HMBOX1: variants seen among roughly 807,000 people sequenced by gnomAD.
HMBOX1 encodes the protein homeobox-containing protein 1.
In HMBOX1, 14 loss-of-function variants were observed where a neutral mutation model predicts 54.5. The observed-to-expected ratio is 0.26, with a 90% CI of 0.17 to 0.40. The LOEUF (loss-of-function observed/expected upper bound fraction) is 0.40, where lower values mean the gene tolerates loss of function less well. HMBOX1 is among the 10% of genes least tolerant of loss of function. The pLI, the probability that HMBOX1 is intolerant of heterozygous loss-of-function variation, is 1.00. For synonymous variants in HMBOX1, 160 were observed against 181.0 expected (o/e 0.88, Z 0.93); for missense variants, 332 against 514.4 (o/e 0.65, Z 3.43).
At chr8:28,962,885 G>A (rs1022332441) in intron 1 of HMBOX1, among the ~76,000 whole-genome samples, 11 of 151,804 alleles carry the variant, frequency 7.2e-5, no homozygotes, top group African/African-American at 2.4e-4. Context: ...CCCACCTCCC[G>A]CCATTTAATG....
intron 1 of HMBOX1, among the ~76,000 whole-genome samples, chr8:28,908,527 G>A (rs995672528): frequency 2.0e-5 from 3 of 152,188 alleles, no homozygotes; most frequent in African/African-American, 7.2e-5. Flanking sequence ...GGCCAAGGCG[G>A]GCAGATCACC....
chr8:28,986,113 T>C (rs76775468), intron 4 of HMBOX1, among the ~76,000 whole-genome samples: 3,116 of 152,282 alleles, frequency 0.02, 56 homozygotes, highest in Non-Finnish European at 0.032. Context: ...CTGGCAACCT[T>C]TTTATGGTTT....
At chr8:29,004,639 G>A (rs964349156) in intron 4 of HMBOX1, among the ~76,000 whole-genome samples, 1 of 152,112 alleles carries the variant, frequency 6.6e-6, no homozygotes, top group Non-Finnish European at 1.5e-5. Flanking sequence ...TTAATCAGGG[G>A]TTAGTTTTAG....
intron 4 of HMBOX1, among the ~76,000 whole-genome samples, chr8:29,002,906 C>T (rs1832856011): frequency 6.6e-6 from 1 of 152,040 alleles, no homozygotes; most frequent in African/African-American, 2.4e-5. Context: ...ATTCGCTTTT[C>T]TCTTAATTTT....
At chr8:28,946,068 T>C (rs1822397187) in intron 1 of HMBOX1, among the ~76,000 whole-genome samples, 1 of 151,292 alleles carries the variant, frequency 6.6e-6, no homozygotes, top group Non-Finnish European at 1.5e-5. Flanking sequence ...TTCTCCTGCC[T>C]CAGCCTCCCA....
intron 4 of HMBOX1, among the ~76,000 whole-genome samples, chr8:29,001,541 T>G (rs1008294083): frequency 7.1e-6 from 1 of 140,070 alleles, no homozygotes; most frequent in Non-Finnish European, 1.5e-5. Context: ...TAGAGCGAGA[T>G]TCCATCTCAA....
At chr8:28,910,046 C>G (rs1395313268) in intron 1 of HMBOX1, among the ~76,000 whole-genome samples, 1 of 152,116 alleles carries the variant, frequency 6.6e-6, no homozygotes, top group Admixed American at 6.5e-5. Context: ...TACTTAATCC[C>G]TATTCCTAGC....
chr8:28,914,462 T>G (rs1316868520), intron 1 of HMBOX1, among the ~76,000 whole-genome samples: 2 of 152,324 alleles, frequency 1.3e-5, no homozygotes, highest in East Asian at 3.9e-4. Context: ...AAAAATCGCC[T>G]CATCAGAATC....
At chr8:28,913,797 G>T (rs1426814262) in intron 1 of HMBOX1, among the ~76,000 whole-genome samples, 3 of 151,150 alleles carry the variant, frequency 2.0e-5, no homozygotes, top group Non-Finnish European at 4.4e-5. Context: ...CTGTCGCCCA[G>T]GCTGGAGTGC....
chr8:28,953,103 C>T (rs1423777051), intron 1 of HMBOX1, among the ~76,000 whole-genome samples: 2 of 152,166 alleles, frequency 1.3e-5, no homozygotes, highest in Non-Finnish European at 2.9e-5. Flanking sequence ...GTACTTATTT[C>T]CCAGTGAGTG....
chr8:28,942,632 C>T, intron 1 of HMBOX1, among the ~76,000 whole-genome samples: 1 of 152,248 alleles, frequency 6.6e-6, no homozygotes, highest in South Asian at 2.1e-4. Flanking sequence ...TCATAACTGA[C>T]ATGTGTATAT....
chr8:29,019,855 G>A (rs1362557317), intron 6 of HMBOX1, among the ~76,000 whole-genome samples: 1 of 152,174 alleles, frequency 6.6e-6, no homozygotes, highest in Non-Finnish European at 1.5e-5. Flanking sequence ...CTGAAAGAGA[G>A]GGAGATTTAA....
rs559370806 is a variant in HMBOX1 at position 28,958,360 on chromosome 8, A to T, written c.-57-5451A>T. ...AAAGATATTTTTCTCTTTTATTCCA[A>T]TATTTTTGCCAGTTAATTCTTTTCT... On this transcript the variant is annotated intron_variant, in intron 1 of 9. Coordinates refer to ENST00000287701, the MANE Select transcript of HMBOX1 (RefSeq NM_001135726.3). 3.3e-5 allele frequency among the ~76,000 whole-genome samples: 5 copies of T among 152,270 alleles called. No homozygotes were observed. In the South Asian group the frequency reaches 8.3e-4, roughly 25 times the overall value.
chr8:28,991,949 T>C (rs1375618744), intron 4 of HMBOX1, among the ~76,000 whole-genome samples: 3 of 152,242 alleles, frequency 2.0e-5, no homozygotes, highest in African/African-American at 7.2e-5. Flanking sequence ...CTGTTTTATG[T>C]ACTTGAGAAG....
chr8:28,932,571 CAT>C (rs1278796274), intron 1 of HMBOX1, among the ~76,000 whole-genome samples: 1 of 152,088 alleles, frequency 6.6e-6, no homozygotes, highest in Admixed American at 6.5e-5. Context: ...TTTAATCTTC[CAT>C]ATGTTTTCCC....
rs78824218 is a variant in HMBOX1, at chr8:28,980,545, T to A, written c.586+389T>A. ...ATTATACCAGTTAAAAAATGATTCATGAGGGTAAAGAAAGTTGTTTTTTAA... is the reference window on the plus strand; with the variant it reads ...ATTATACCAGTTAAAAAATGATTCAAGAGGGTAAAGAAAGTTGTTTTTTAA... On this transcript the variant is annotated intron_variant, in intron 4 of 9. Coordinates refer to ENST00000287701, the MANE Select transcript of HMBOX1 (RefSeq NM_001135726.3). Among the ~76,000 whole-genome samples the A allele has an allele frequency of 4.1e-3, 622 of 152,324 alleles. 4 individuals are homozygous for A. The highest frequency in any genetic ancestry group is 0.014 in the African/African-American group (589 of 41,568).
chr8:28,922,622 C>G (rs1817746261), intron 1 of HMBOX1, among the ~76,000 whole-genome samples: 1 of 152,128 alleles, frequency 6.6e-6, no homozygotes, highest in Non-Finnish European at 1.5e-5. Context: ...TACACAATTT[C>G]CACATAATTT....
intron 4 of HMBOX1, among the ~76,000 whole-genome samples, chr8:28,999,153 T>C (rs886706732): frequency 1.3e-5 from 2 of 152,200 alleles, no homozygotes; most frequent in African/African-American, 4.8e-5. Context: ...GCCTTTAGTA[T>C]TTCTTACAGG....
intron 1 of HMBOX1, among the ~76,000 whole-genome samples, chr8:28,934,851 C>T (rs1005095668): frequency 1.3e-5 from 2 of 149,886 alleles, no homozygotes; most frequent in Non-Finnish European, 3.0e-5. Flanking sequence ...GGCGTGAACC[C>T]GGGAGGCGGA....
Sources: gnomAD v4.1 joint callset for allele counts (sites outside exome capture counted in the v4.1 genomes callset) on GRCh38, gnomAD v4.1.1 for gene constraint, MANE v1.5 for transcripts, NCBI Gene and HGNC (gene_info 2026-07-23, HGNC 2026-07-21) for gene names.